Variants in EIF4E observed in about 807,000 individuals in gnomAD.
EIF4E encodes eIF-4F 25 kDa subunit.
For missense variants in EIF4E, 113 were observed against 265.6 expected, an observed-to-expected ratio of 0.43 and a Z score of 3.99; for synonymous variants, 71 against 88.5, an observed-to-expected ratio of 0.80 and a Z score of 1.11.
At chr4:98,904,509 G>A (rs1210975830) in intron 1 of EIF4E, among the ~76,000 whole-genome samples, 4 of 152,166 alleles carry the variant, frequency 2.6e-5, no homozygotes, top group African/African-American at 7.2e-5. Context: ...GGTGGCTCAC[G>A]CCTGTAATCC....
At chr4:98,888,022 TAC>T in intron 3 of EIF4E, 70 bp from the exon 4 acceptor site, 2 of 1,252,600 alleles carry the variant, frequency 1.6e-6, no homozygotes, top group Non-Finnish European at 2.3e-6. Flanking sequence ...TACATATATA[TAC>T]ATTTAGAACA....
At position 98,881,149 on chromosome 4, in the gene EIF4E, G is replaced by GAAA. The variant is rs374891583; in HGVS notation, c.540-10_540-8dup. 15 of 1,263,488 alleles carry GAAA rather than the reference G, an allele frequency of 1.2e-5. No individual in the cohort carries two copies. Among genetic ancestry groups the GAAA allele is most frequent in the East Asian group, 6.1e-5 (2 of 32,630 alleles). The allele number at this position is 1,263,488 out of a possible 1,614,324, so 78.3% of individuals were successfully genotyped here. The stretch of plus-strand genomic sequence containing the variant: ...CCTTTCCTTGTATACCCTCCTAGAA[G>GAAA]AAAAAAAAAAAGAAGAAGAAAAAAG... On this transcript the variant is annotated splice_region_variant and splice_polypyrimidine_tract_variant and intron_variant, in intron 6 of 6. Transcript: ENST00000450253.
intron 2 of EIF4E, among the ~76,000 whole-genome samples, chr4:98,894,872 G>A (rs146855750): frequency 6.6e-6 from 1 of 152,300 alleles, no homozygotes; most frequent in African/African-American, 2.4e-5. Flanking sequence ...ATCATTTCAA[G>A]CTTTTGATTT....
Position 98,879,455 on chromosome 4 carries a change from A to AT in EIF4E, c.*1572dup, listed in dbSNP as rs1249318505. ...TAGCCATACTTCATCTCACAGGACT[A>AT]TACAAGTATGTACTATGTACAAAAC... is the stretch of plus-strand genomic sequence containing the variant. On this transcript the variant is annotated 3_prime_UTR_variant, in exon 7 of 7. Transcript: ENST00000450253. The AT allele has an allele frequency of 6.6e-6, 1 of 152,162 alleles. No homozygotes were observed. The highest frequency in any genetic ancestry group is 2.4e-5 in the African/African-American group (1 of 41,450). The allele number at this position is 152,162 out of a possible 1,614,324, so 9.4% of individuals were successfully genotyped here.
intron 2 of EIF4E, among the ~76,000 whole-genome samples, chr4:98,901,343 G>A (rs186795533): frequency 1.3e-5 from 2 of 152,168 alleles, no homozygotes; most frequent in East Asian, 1.9e-4. Context: ...GATTACAGGC[G>A]TCTGCCACCA....
At chr4:98,892,336 CAAACAAAAAAAAAAAA>C (rs1560637198) in intron 2 of EIF4E, among the ~76,000 whole-genome samples, 2 of 131,228 alleles carry the variant, frequency 1.5e-5, no homozygotes, top group Non-Finnish European at 3.3e-5. Flanking sequence ...AACAAAAAAA[CAAACAAAAAAAAAAAA>C]CAAAAAAAAC....
chr4:98,914,858 C>G (rs140722861), intron 1 of EIF4E, among the ~76,000 whole-genome samples: 3 of 152,292 alleles, frequency 2.0e-5, no homozygotes, highest in Non-Finnish European at 2.9e-5. Context: ...ACTGGGAAAG[C>G]TGTACCTGCA....
intron 2 of EIF4E, chr4:98,895,669 A>G (rs1724349619): frequency 6.6e-6 from 1 of 152,232 alleles, no homozygotes; most frequent in Non-Finnish European, 1.5e-5. Context: ...AAAACCACCA[A>G]CGAGGTCAAG....
At chr4:98,912,357 A>T (rs1725189554) in intron 1 of EIF4E, among the ~76,000 whole-genome samples, 1 of 152,038 alleles carries the variant, frequency 6.6e-6, no homozygotes, top group African/African-American at 2.4e-5. Flanking sequence ...CGGGTGGATC[A>T]TGAGGTCAGG....
At chr4:98,883,555 C>G (rs1265067101) in intron 6 of EIF4E, among the ~76,000 whole-genome samples, 1 of 151,866 alleles carries the variant, frequency 6.6e-6, no homozygotes, top group African/African-American at 2.4e-5. Context: ...CCCGCCACCA[C>G]GCCCAGCTAA....
At chr4:98,888,271 G>A (rs4699369) in intron 3 of EIF4E, among the ~76,000 whole-genome samples, 28,982 of 152,026 alleles carry the variant, frequency 0.19, 3,669 homozygotes, top group Non-Finnish European at 0.28. Context: ...GTGGCTTTAA[G>A]TAGATGAAAT....
intron 2 of EIF4E, 47 bp from the exon 3 acceptor site, chr4:98,891,379 G>A (rs753391809): frequency 6.5e-7 from 1 of 1,533,900 alleles, no homozygotes; most frequent in South Asian, 1.2e-5. Flanking sequence ...GCATACCCAT[G>A]TTAAAAGCAA....
At chr4:98,910,891 G>A (rs1232143856) in intron 1 of EIF4E, among the ~76,000 whole-genome samples, 1 of 151,392 alleles carries the variant, frequency 6.6e-6, no homozygotes, top group Non-Finnish European at 1.5e-5. Context: ...CACCACACCT[G>A]GCTAATTATT....
At position 98,915,099 on chromosome 4, in the gene EIF4E, A is replaced by C. The variant is rs150796969; in HGVS notation, c.19-13117T>G. Among the ~76,000 whole-genome samples the C allele has an allele frequency of 2.3e-3, 353 of 152,168 alleles. 1 individual carries two copies. Among genetic ancestry groups the C allele is most frequent in the African/African-American group, 7.7e-3 (320 of 41,520 alleles). ...GCTGGGACTACAGGCACATGCCACC[A>C]CACCCAGCTAGTTTTTTGTATTAAT... On this transcript the variant is annotated intron_variant, in intron 1 of 6. Transcript: ENST00000450253.
At chr4:98,922,923 C>A (rs1349038510) in intron 1 of EIF4E, among the ~76,000 whole-genome samples, 1 of 150,596 alleles carries the variant, frequency 6.6e-6, no homozygotes, top group Non-Finnish European at 1.5e-5. Flanking sequence ...CATAGGCTCA[C>A]CGCAACCTCC....
At chr4:98,905,748 C>T (rs1257778354) in intron 1 of EIF4E, among the ~76,000 whole-genome samples, 2 of 151,950 alleles carry the variant, frequency 1.3e-5, no homozygotes, top group East Asian at 3.9e-4. Flanking sequence ...TTTAGCAAAC[C>T]CAGGGCTGAA....
intron 2 of EIF4E, among the ~76,000 whole-genome samples, chr4:98,895,939 C>A (rs921216046): frequency 1.3e-5 from 2 of 152,074 alleles, no homozygotes; most frequent in Non-Finnish European, 2.9e-5. Flanking sequence ...GGCTCACGCC[C>A]GTAATCCCAG....
intron 1 of EIF4E, among the ~76,000 whole-genome samples, chr4:98,921,044 T>G (rs189870633): frequency 1.3e-5 from 2 of 152,194 alleles, no homozygotes; most frequent in East Asian, 3.9e-4. Context: ...TTGCTAAAAA[T>G]TAAAAAAAAA....
At chr4:98,896,338 C>T (rs1019359424) in intron 2 of EIF4E, among the ~76,000 whole-genome samples, 41 of 151,354 alleles carry the variant, frequency 2.7e-4, no homozygotes, top group African/African-American at 8.8e-4. Context: ...TGCCACTGCA[C>T]GCCAACGTGA....
Sources: gnomAD v4.1 joint callset for allele counts (sites outside exome capture counted in the v4.1 genomes callset) on GRCh38, gnomAD v4.1.1 for gene constraint, MANE v1.5 for transcripts, NCBI Gene and HGNC (gene_info 2026-07-23, HGNC 2026-07-21) for gene names.